AUTS2: variants seen among roughly 807,000 people sequenced by gnomAD.
The protein encoded by AUTS2 is autism susceptibility gene 2 protein.
In AUTS2, 17 loss-of-function variants were observed where a neutral mutation model predicts 112.4. That is an observed-to-expected ratio of 0.15 (90% confidence interval 0.10 to 0.23). AUTS2 has a LOEUF of 0.23. Ranked by LOEUF, AUTS2 falls within the 10% of genes least tolerant of loss-of-function variation. The pLI is 1.00. For missense variants in AUTS2, 1,510 were observed against 1,701.6 expected, an observed-to-expected ratio of 0.89 and a Z score of 1.98; for synonymous variants, 751 against 702.7, an observed-to-expected ratio of 1.07 and a Z score of -1.09.
intron 5 of AUTS2, among the ~76,000 whole-genome samples, chr7:70,543,889 A>C (rs1800660331): frequency 6.6e-6 from 1 of 152,204 alleles, no homozygotes; most frequent in South Asian, 2.1e-4. Context: ...GTCTACCTGA[A>C]TTCCAGAGTC....
chr7:70,539,079 G>A (rs1800439204), intron 5 of AUTS2, among the ~76,000 whole-genome samples: 1 of 152,138 alleles, frequency 6.6e-6, no homozygotes, highest in East Asian at 1.9e-4. Context: ...CAGTCACCTG[G>A]GATTCTATGA....
At chr7:70,540,496 C>T (rs970435685) in intron 5 of AUTS2, among the ~76,000 whole-genome samples, 3 of 152,152 alleles carry the variant, frequency 2.0e-5, no homozygotes, top group Non-Finnish European at 2.9e-5. Flanking sequence ...AGCACACAGT[C>T]GTCTCTGGGT....
At chr7:70,771,478 G>C in intron 10 of AUTS2, 71 bp from the exon 11 acceptor site, 7 of 1,317,096 alleles carry the variant, frequency 5.3e-6, no homozygotes, top group South Asian at 1.3e-5. Context: ...TCTTTCTATG[G>C]GACGGGAATT....
chr7:70,365,479 A>G (rs560971816), intron 4 of AUTS2, among the ~76,000 whole-genome samples: 14 of 152,234 alleles, frequency 9.2e-5, no homozygotes, highest in Non-Finnish European at 1.3e-4. Context: ...AATGACACAT[A>G]TAAAGCACCT....
At chr7:70,037,231 T>A (rs1440081591) in intron 2 of AUTS2, among the ~76,000 whole-genome samples, 1 of 152,098 alleles carries the variant, frequency 6.6e-6, no homozygotes, top group African/African-American at 2.4e-5. Flanking sequence ...TTACTAGGAT[T>A]GGGTTTGGAG....
intron 4 of AUTS2, among the ~76,000 whole-genome samples, chr7:70,166,462 G>GAAATGGAAATATACTGTTGTAAGGTTT (rs1255338115): frequency 1.6e-4 from 25 of 152,098 alleles, no homozygotes; most frequent in Admixed American, 7.2e-4. Flanking sequence ...TGGGAGGGAG[G>GAAATGGAAATATACTGTTGTAAGGTTT]AAATGGAAAT....
At chr7:69,687,092 A>T (rs550286036) in intron 1 of AUTS2, among the ~76,000 whole-genome samples, 1 of 152,328 alleles carries the variant, frequency 6.6e-6, no homozygotes, top group South Asian at 2.1e-4. Flanking sequence ...GATTTGGATT[A>T]TTCTTAACCA....
intron 1 of AUTS2, among the ~76,000 whole-genome samples, chr7:69,687,158 A>G (rs1044793449): frequency 2.0e-5 from 3 of 152,248 alleles, no homozygotes; most frequent in Non-Finnish European, 4.4e-5. Context: ...AATGCTGTAA[A>G]TATGCACCAC....
At chr7:69,843,812 G>T (rs924244635) in intron 1 of AUTS2, among the ~76,000 whole-genome samples, 3 of 152,140 alleles carry the variant, frequency 2.0e-5, no homozygotes, top group African/African-American at 7.2e-5. Context: ...TAGAGAAGAG[G>T]AAACTGAGAT....
intron 4 of AUTS2, among the ~76,000 whole-genome samples, chr7:70,246,392 C>CAACTTTATTT (rs1191325332): frequency 2.0e-5 from 3 of 151,980 alleles, no homozygotes; most frequent in Admixed American, 6.6e-5. Flanking sequence ...GGTAAGGGTT[C>CAACTTTATTT]AACTTTATTT....
chr7:70,284,428 T>C (rs1008023308), intron 4 of AUTS2, among the ~76,000 whole-genome samples: 6 of 152,184 alleles, frequency 3.9e-5, no homozygotes, highest in African/African-American at 1.4e-4. Context: ...CTTCATGTTA[T>C]TATGTGTTGG....
chr7:69,776,011 C>A (rs1458935672), intron 1 of AUTS2, among the ~76,000 whole-genome samples: 1 of 152,118 alleles, frequency 6.6e-6, no homozygotes, highest in African/African-American at 2.4e-5. Flanking sequence ...TGGATTTGAT[C>A]CTTGGGTCAC....
chr7:69,664,183 C>G (rs889543507), intron 1 of AUTS2, among the ~76,000 whole-genome samples: 2 of 152,132 alleles, frequency 1.3e-5, no homozygotes, highest in African/African-American at 2.4e-5. Flanking sequence ...TTATAGAGAG[C>G]ACTTTTTAAT....
At chr7:70,370,128 G>GA (rs1259249905) in intron 4 of AUTS2, among the ~76,000 whole-genome samples, 2 of 152,262 alleles carry the variant, frequency 1.3e-5, no homozygotes, top group African/African-American at 4.8e-5. Flanking sequence ...CATCAAAGGA[G>GA]AAACCTCTTT....
intron 1 of AUTS2, among the ~76,000 whole-genome samples, chr7:69,644,559 A>C (rs1470691199): frequency 6.6e-6 from 1 of 151,878 alleles, no homozygotes; most frequent in Non-Finnish European, 1.5e-5. Flanking sequence ...TTAATAAGTC[A>C]AGATGTAGAG....
At chr7:70,080,625 T>C (rs1803255471) in intron 2 of AUTS2, among the ~76,000 whole-genome samples, 1 of 152,246 alleles carries the variant, frequency 6.6e-6, no homozygotes, top group Non-Finnish European at 1.5e-5. Context: ...CATACTTCTT[T>C]TCCCAAGGAG....
intron 1 of AUTS2, among the ~76,000 whole-genome samples, chr7:69,627,798 C>T (rs1039627042): frequency 5.3e-5 from 8 of 152,180 alleles, no homozygotes; most frequent in African/African-American, 1.7e-4. Flanking sequence ...CCATTTATCT[C>T]AGTTTCCTTG....
intron 13 of AUTS2, 65 bp from the exon 14 acceptor site, chr7:70,777,038 G>A: frequency 6.6e-7 from 1 of 1,513,486 alleles, no homozygotes. Context: ...AAAGCTTTGG[G>A]GAAATTGAAG....
At chr7:70,498,389 G>GT (rs1409792792) in intron 5 of AUTS2, among the ~76,000 whole-genome samples, 1 of 152,136 alleles carries the variant, frequency 6.6e-6, no homozygotes, top group Non-Finnish European at 1.5e-5. Context: ...TCCTGGGCTG[G>GT]TATCACATTA....
Sources: allele counts gnomAD v4.1 joint callset (sites outside exome capture counted in the v4.1 genomes callset), GRCh38; gene constraint gnomAD v4.1.1; transcripts MANE v1.5; gene names NCBI Gene and HGNC (gene_info 2026-07-23, HGNC 2026-07-21).